Variants in SPOCK1 observed in about 807,000 individuals in gnomAD.
SPOCK1 encodes SPARC (osteonectin), cwcv and kazal like domains proteoglycan 1, also known as testican-1.
Under a neutral mutation model 55.3 loss-of-function variants are expected in SPOCK1, and 23 were observed. The observed-to-expected ratio is 0.42, with a 90% CI of 0.30 to 0.59. The LOEUF (loss-of-function observed/expected upper bound fraction) is 0.59. SPOCK1 is among the 20% of genes least tolerant of loss of function. The pLI, the probability that SPOCK1 is intolerant of heterozygous loss-of-function variation, is 0.22. For synonymous variants in SPOCK1, 226 were observed against 221.0 expected (o/e 1.02, Z -0.20); for missense variants, 499 against 552.5 (o/e 0.90, Z 0.97).
Position 137,095,530 on chromosome 5 carries a change from T to C in SPOCK1, c.474+16905A>G, listed in dbSNP as rs554594537. On this transcript the variant is annotated intron_variant, in intron 5 of 10. Transcript: ENST00000394945. ...TTTTGTGAGTGTTGGTTACCTCTTC[T>C]GTAAAAATGAAAACAGAATTGTGCA... Among the ~76,000 whole-genome samples the C allele has an allele frequency of 3.0e-3, 464 of 152,334 alleles. 1 individual carries two copies. The highest frequency in any genetic ancestry group is 4.0e-3 in the Non-Finnish European group (274 of 68,034).
At chr5:137,289,921 A>G (rs748378553) in intron 2 of SPOCK1, among the ~76,000 whole-genome samples, 10 of 152,234 alleles carry the variant, frequency 6.6e-5, no homozygotes, top group Non-Finnish European at 1.5e-4. Flanking sequence ...CAGAATGCCT[A>G]AAAACTAAAA....
chr5:137,099,129 T>G (rs1753212179), intron 5 of SPOCK1, among the ~76,000 whole-genome samples: 1 of 152,212 alleles, frequency 6.6e-6, no homozygotes, highest in African/African-American at 2.4e-5. Context: ...GAAAAACATT[T>G]GAAAAGTGTC....
At position 137,422,097 on chromosome 5, in the gene SPOCK1, C is replaced by A. The variant is rs570845514; in HGVS notation, c.186+76276G>T. ...GATGTGAAATTCTGAGTTGAAAATT[C>A]TTTTCTCTAAGGACGTTGAATATTG... On this transcript the variant is annotated intron_variant, in intron 2 of 10. Transcript: ENST00000394945. Among the ~76,000 whole-genome samples the A allele has an allele frequency of 3.3e-5, 5 of 152,348 alleles. No individual in the cohort carries two copies. The East Asian group carries it at 9.6e-4, about 29-fold the overall frequency.
At chr5:137,222,891 T>C (rs893828654) in intron 3 of SPOCK1, among the ~76,000 whole-genome samples, 4 of 152,120 alleles carry the variant, frequency 2.6e-5, no homozygotes, top group African/African-American at 9.7e-5. Flanking sequence ...AAAGCACAGA[T>C]AGACAAATAG....
intron 5 of SPOCK1, among the ~76,000 whole-genome samples, chr5:137,099,904 A>AC (rs1182642050): frequency 1.3e-5 from 2 of 151,264 alleles, no homozygotes; most frequent in African/African-American, 2.4e-5. Context: ...CTACCTCCCC[A>AC]CCCCCCGGAG....
At chr5:137,140,747 ATTTTT>A (rs11309240) in intron 3 of SPOCK1, 53 bp from the exon 4 acceptor site, 1,059 of 351,248 alleles carry the variant, frequency 3.0e-3, no homozygotes, top group Middle Eastern at 6.2e-3. Context: ...GGGAAATTTA[ATTTTT>A]TTTTTTTTTT....
chr5:137,458,979 G>T (rs973223042), intron 2 of SPOCK1, among the ~76,000 whole-genome samples: 1 of 152,156 alleles, frequency 6.6e-6, no homozygotes, highest in African/African-American at 2.4e-5. Flanking sequence ...TACACAAGAA[G>T]GAAAGTCTGT....
At chr5:137,473,853 A>G (rs1416161482) in intron 2 of SPOCK1, among the ~76,000 whole-genome samples, 1 of 152,244 alleles carries the variant, frequency 6.6e-6, no homozygotes, top group Non-Finnish European at 1.5e-5. Flanking sequence ...ATGCCCATCA[A>G]TCAATTAGTG....
chr5:137,282,132 C>T (rs1336807310), intron 2 of SPOCK1, among the ~76,000 whole-genome samples: 2 of 152,168 alleles, frequency 1.3e-5, no homozygotes, highest in Admixed American at 1.3e-4. Flanking sequence ...ATAGGATGCA[C>T]CAAGAAATGG....
At position 137,388,929 on chromosome 5, in the gene SPOCK1, C is replaced by T. The variant is rs915085267; in HGVS notation, c.186+109444G>A. 2.0e-5 allele frequency among the ~76,000 whole-genome samples: 3 copies of T among 152,338 alleles called. No individual in the cohort carries two copies. The East Asian group carries it at 5.8e-4, about 29-fold the overall frequency. On this transcript the variant is annotated intron_variant, in intron 2 of 10. Transcript: ENST00000394945. ...GAGAGAATTTGCCACAGACCATTCA[C>T]TTGTCATCATATACAGCATTTTGCA...
chr5:137,024,581 A>G (rs1020907215), intron 6 of SPOCK1, among the ~76,000 whole-genome samples: 1 of 151,826 alleles, frequency 6.6e-6, no homozygotes, highest in African/African-American at 2.4e-5. Flanking sequence ...GTATAGAGCA[A>G]TTACTAGGAA....
chr5:137,082,147 C>T (rs1752886586), intron 5 of SPOCK1, among the ~76,000 whole-genome samples: 3 of 152,198 alleles, frequency 2.0e-5, no homozygotes, highest in Admixed American at 1.3e-4. Flanking sequence ...CCATGCAGAC[C>T]CCACTCTCCT....
At chr5:137,409,746 C>T (rs1380701044) in intron 2 of SPOCK1, among the ~76,000 whole-genome samples, 1 of 152,188 alleles carries the variant, frequency 6.6e-6, no homozygotes, top group Non-Finnish European at 1.5e-5. Context: ...TTGGTTTTGA[C>T]TTTCCTATGT....
At chr5:137,153,385 C>T (rs1373665765) in intron 3 of SPOCK1, among the ~76,000 whole-genome samples, 1 of 152,204 alleles carries the variant, frequency 6.6e-6, no homozygotes, top group Non-Finnish European at 1.5e-5. Context: ...TAAAAACACT[C>T]ATTTTTAATG....
chr5:137,232,422 C>T (rs999174682), intron 3 of SPOCK1, among the ~76,000 whole-genome samples: 19 of 152,282 alleles, frequency 1.2e-4, no homozygotes, highest in Admixed American at 3.3e-4. Flanking sequence ...CAGCTGCTCC[C>T]GCATCACTTA....
At chr5:137,337,307 AAAG>A (rs1161329186) in intron 2 of SPOCK1, among the ~76,000 whole-genome samples, 1 of 152,212 alleles carries the variant, frequency 6.6e-6, no homozygotes, top group East Asian at 1.9e-4. Flanking sequence ...GTATCAGGCT[AAAG>A]AAGTAGTTTT....
intron 3 of SPOCK1, among the ~76,000 whole-genome samples, chr5:137,200,376 AAAATGTC>A (rs1381380422): frequency 6.6e-6 from 1 of 152,192 alleles, no homozygotes; most frequent in African/African-American, 2.4e-5. Context: ...AATAAAAAAT[AAAATGTC>A]AACTCCTCAC....
intron 4 of SPOCK1, among the ~76,000 whole-genome samples, chr5:137,133,550 A>G (rs186270896): frequency 2.6e-5 from 4 of 152,138 alleles, no homozygotes; most frequent in Non-Finnish European, 4.4e-5. Context: ...CATCAAGGTC[A>G]TCTAATCAAT....
At chr5:137,208,906 G>T (rs1477345289) in intron 3 of SPOCK1, among the ~76,000 whole-genome samples, 2 of 151,800 alleles carry the variant, frequency 1.3e-5, no homozygotes, top group African/African-American at 4.8e-5. Context: ...CAGAATTCTA[G>T]TTTTATGGAG....
Sources: allele counts gnomAD v4.1 joint callset (sites outside exome capture counted in the v4.1 genomes callset), GRCh38; gene constraint gnomAD v4.1.1; transcripts MANE v1.5; gene names NCBI Gene and HGNC (gene_info 2026-07-23, HGNC 2026-07-21).